Variants in UPP2 observed in about 807,000 individuals in gnomAD.
UPP2 encodes the protein UPase 2.
A neutral mutation model predicts 26.7 loss-of-function variants in UPP2; 23 were observed. The ratio of observed to expected loss-of-function variants is 0.86; its 90% confidence interval spans 0.62 to 1.22. UPP2 has a LOEUF of 1.22. Among genes scored for constraint, UPP2 ranks in the 50% most tolerant of loss-of-function variants. The probability of loss-of-function intolerance (pLI) is 0.00; values close to 1 mark genes in which losing one functional copy is unlikely to be tolerated. For missense variants in UPP2, 387 were observed against 396.7 expected (o/e 0.98, Z 0.21); for synonymous variants, 127 against 141.3 (o/e 0.90, Z 0.72).
At chr2:158,109,708 G>A (rs1262264249) in intron 2 of UPP2, among the ~76,000 whole-genome samples, 1 of 152,160 alleles carries the variant, frequency 6.6e-6, no homozygotes, top group Non-Finnish European at 1.5e-5. Context: ...AAGTTTAGCT[G>A]GGTGCCCAGA....
At chr2:158,026,919 T>C (rs1404531323) in intron 3 of UPP2, among the ~76,000 whole-genome samples, 1 of 152,088 alleles carries the variant, frequency 6.6e-6, no homozygotes, top group Non-Finnish European at 1.5e-5. Flanking sequence ...AAACCCCTGA[T>C]AAAACTATCA....
intron 3 of UPP2, among the ~76,000 whole-genome samples, chr2:158,023,485 A>G (rs1285640548): frequency 1.3e-5 from 2 of 152,144 alleles, no homozygotes; most frequent in Non-Finnish European, 2.9e-5. Context: ...TAGAATTGGA[A>G]AGAAGCTAAG....
At chr2:158,049,053 T>A (rs976588933) in intron 3 of UPP2, among the ~76,000 whole-genome samples, 1 of 152,184 alleles carries the variant, frequency 6.6e-6, no homozygotes, top group Non-Finnish European at 1.5e-5. Context: ...CCCAGGGTGG[T>A]TCCAGACATT....
chr2:158,117,299 TTAAAATTGTTAAG>T (rs1469709759), intron 3 of UPP2, among the ~76,000 whole-genome samples: 2 of 152,076 alleles, frequency 1.3e-5, no homozygotes, highest in African/African-American at 4.8e-5. Flanking sequence ...CAGTTTAAGT[TTAAAATTGTTAAG>T]TGGGGAATCT....
At chr2:158,085,877 T>C (rs1229882387) in intron 3 of UPP2, among the ~76,000 whole-genome samples, 2 of 152,184 alleles carry the variant, frequency 1.3e-5, no homozygotes, top group Admixed American at 1.3e-4. Flanking sequence ...GATTATCTTT[T>C]TGATATGCTG....
chr2:158,123,373 C>G (rs1411377446), intron 5 of UPP2, among the ~76,000 whole-genome samples: 3 of 151,948 alleles, frequency 2.0e-5, no homozygotes, highest in Non-Finnish European at 4.4e-5. Flanking sequence ...TCTCCCAGCA[C>G]CCATCCCTGG....
At chr2:158,090,723 C>T (rs1574285237) in intron 3 of UPP2, among the ~76,000 whole-genome samples, 2 of 152,292 alleles carry the variant, frequency 1.3e-5, no homozygotes, top group African/African-American at 4.8e-5. Flanking sequence ...GGAGTATTGT[C>T]TAAAGGCTAG....
At chr2:158,013,511 G>C (rs1463557482) in intron 2 of UPP2, among the ~76,000 whole-genome samples, 1 of 152,240 alleles carries the variant, frequency 6.6e-6, no homozygotes, top group African/African-American at 2.4e-5. Context: ...AGTAAGATGA[G>C]AAGACAGCAC....
chr2:158,059,390 A>T (rs549015376), intron 3 of UPP2, among the ~76,000 whole-genome samples: 2 of 152,318 alleles, frequency 1.3e-5, no homozygotes, highest in East Asian at 3.9e-4. Flanking sequence ...GATGGCTAGG[A>T]TGACTGGTTG....
chr2:158,016,607 T>C (rs1472733308), intron 3 of UPP2, among the ~76,000 whole-genome samples: 1 of 152,096 alleles, frequency 6.6e-6, no homozygotes. Flanking sequence ...TCTAAAGTGC[T>C]GTATTACAGG....
chr2:158,055,474 AG>A (rs1320229335), intron 3 of UPP2, among the ~76,000 whole-genome samples: 1 of 152,126 alleles, frequency 6.6e-6, no homozygotes, highest in African/African-American at 2.4e-5. Context: ...GAAATAATAC[AG>A]TATTTTTTTT....
chr2:158,059,595 G>T (rs114342557), intron 3 of UPP2, among the ~76,000 whole-genome samples: 1,915 of 152,296 alleles, frequency 0.013, 43 homozygotes, highest in African/African-American at 0.044. Context: ...ACTTGACTTT[G>T]GTCATATTGG....
chr2:158,096,713 C>A (rs1682992118), intron 3 of UPP2, among the ~76,000 whole-genome samples: 1 of 152,042 alleles, frequency 6.6e-6, no homozygotes, highest in African/African-American at 2.4e-5. Context: ...ATGAATTAGA[C>A]CTATGCCTAA....
At chr2:158,020,287 T>G (rs1247782682) in intron 3 of UPP2, among the ~76,000 whole-genome samples, 1 of 152,210 alleles carries the variant, frequency 6.6e-6, no homozygotes, top group East Asian at 1.9e-4. Context: ...TCCATGGTCC[T>G]CCTTTGCAAA....
chr2:158,051,798 C>CAACAACAACAACAACAA (rs1254115483), intron 3 of UPP2, among the ~76,000 whole-genome samples: 12 of 151,838 alleles, frequency 7.9e-5, no homozygotes, highest in African/African-American at 2.9e-4. Flanking sequence ...ACAACAACAA[C>CAACAACAACAACAACAA]AACAAAACAA....
intron 3 of UPP2, chr2:158,015,944 A>T (rs1683651781): frequency 2.6e-6 from 1 of 383,258 alleles, no homozygotes; most frequent in Non-Finnish European, 5.2e-6. Context: ...AGTTCTTTAT[A>T]GTGGTATGAA....
At chr2:158,065,730 G>T in intron 3 of UPP2, 1 of 666,664 alleles carries the variant, frequency 1.5e-6, no homozygotes, top group Non-Finnish European at 2.8e-6. Context: ...GGAGAAAGAA[G>T]GTACCCATGT....
intron 3 of UPP2, among the ~76,000 whole-genome samples, chr2:158,045,946 AG>A (rs1684147240): frequency 6.6e-6 from 1 of 152,114 alleles, no homozygotes; most frequent in Non-Finnish European, 1.5e-5. Flanking sequence ...GAGGAGACAA[AG>A]AATATTAAAT....
intron 3 of UPP2, among the ~76,000 whole-genome samples, chr2:158,078,599 T>C (rs570243037): frequency 1.1e-4 from 17 of 152,012 alleles, no homozygotes; most frequent in African/African-American, 3.1e-4. Context: ...TTTGTGAAGA[T>C]AGAGAGTAGA....
Sources: allele counts gnomAD v4.1 joint callset (sites outside exome capture counted in the v4.1 genomes callset), GRCh38; gene constraint gnomAD v4.1.1; transcripts MANE v1.5; gene names NCBI Gene and HGNC (gene_info 2026-07-23, HGNC 2026-07-21).